The following CAMTA1 variants were observed in gnomAD, a reference collection of about 807,000 sequenced individuals.
The protein encoded by CAMTA1 is calmodulin-binding transcription activator 1.
CAMTA1 carries 27 observed loss-of-function variants against 170.9 expected under a neutral mutation model. The ratio of observed to expected loss-of-function variants is 0.16; its 90% CI spans 0.12 to 0.22. CAMTA1 has a LOEUF of 0.22. Among genes scored for constraint, CAMTA1 ranks in the 10% least tolerant of loss-of-function variants. The pLI is 1.00. For synonymous variants in CAMTA1, 833 were observed against 891.5 expected, an observed-to-expected ratio of 0.93 and a Z score of 1.17; for missense variants, 1,619 against 2,217.2, an observed-to-expected ratio of 0.73 and a Z score of 5.42.
intron 6 of CAMTA1, among the ~76,000 whole-genome samples, chr1:7,533,213 G>A (rs1340594121): frequency 1.3e-5 from 2 of 152,164 alleles, no homozygotes; most frequent in African/African-American, 4.8e-5. Flanking sequence ...TGGGTCCCGA[G>A]CCTCCCTCCA....
At chr1:7,759,348 A>G (rs974373460) in intron 22 of CAMTA1, among the ~76,000 whole-genome samples, 1 of 152,176 alleles carries the variant, frequency 6.6e-6, no homozygotes, top group African/African-American at 2.4e-5. Context: ...TGTGTCTTGA[A>G]ATGTTTAGTC....
At chr1:7,341,652 A>G (rs2083842281) in intron 5 of CAMTA1, among the ~76,000 whole-genome samples, 2 of 152,114 alleles carry the variant, frequency 1.3e-5, no homozygotes, top group South Asian at 2.1e-4. Context: ...CGGGCTTCCC[A>G]TGGCTGCCAC....
chr1:7,538,622 C>T (rs1327967346), intron 6 of CAMTA1, among the ~76,000 whole-genome samples: 2 of 152,222 alleles, frequency 1.3e-5, no homozygotes, highest in East Asian at 3.8e-4. Flanking sequence ...TGCACTCCAG[C>T]CTGGATGACA....
intron 6 of CAMTA1, among the ~76,000 whole-genome samples, chr1:7,542,793 G>A (rs905752377): frequency 2.0e-5 from 3 of 151,766 alleles, no homozygotes; most frequent in African/African-American, 7.3e-5. Context: ...ACCCCTCAAA[G>A]TGCTAGGATT....
At chr1:7,288,408 C>T (rs1054675941) in intron 5 of CAMTA1, among the ~76,000 whole-genome samples, 7 of 152,224 alleles carry the variant, frequency 4.6e-5, no homozygotes, top group South Asian at 4.1e-4. Flanking sequence ...TAATGTCAGA[C>T]GTTCATCTCT....
chr1:7,419,061 C>T (rs920193041), intron 5 of CAMTA1, among the ~76,000 whole-genome samples: 2 of 152,266 alleles, frequency 1.3e-5, no homozygotes, highest in African/African-American at 4.8e-5. Flanking sequence ...AGAGCTCCAC[C>T]TTCCATCCCA....
chr1:7,655,065 C>T (rs62653666), intron 7 of CAMTA1, among the ~76,000 whole-genome samples: 79,473 of 115,364 alleles, frequency 0.69, 28,813 homozygotes, highest in East Asian at 0.93. Flanking sequence ...TACAAACACA[C>T]CCACCTATAC....
intron 22 of CAMTA1, among the ~76,000 whole-genome samples, chr1:7,756,438 A>G (rs1266837042): frequency 6.6e-6 from 1 of 152,190 alleles, no homozygotes; most frequent in African/African-American, 2.4e-5. Context: ...TTAGTTCCTG[A>G]GATTTTAGAA....
At chr1:6,938,621 G>A (rs1029350365) in intron 3 of CAMTA1, among the ~76,000 whole-genome samples, 2 of 152,196 alleles carry the variant, frequency 1.3e-5, no homozygotes, top group Admixed American at 6.5e-5. Flanking sequence ...CTGCTGGGTT[G>A]CCTTGTTTTC....
chr1:7,267,367 G>A (rs1339268934), intron 5 of CAMTA1, among the ~76,000 whole-genome samples: 1 of 152,196 alleles, frequency 6.6e-6, no homozygotes, highest in Non-Finnish European at 1.5e-5. Context: ...GCCATGGAGT[G>A]CCTAGGTTTT....
rs1372290727 is a variant in CAMTA1, at chr1:7,505,039, C to T, written c.510+37138C>T. ...CGGACATGGCACAAGCACACAGATG[C>T]CTCATGGGCACAGCTGGGCAGGAGG... On this transcript the variant is annotated intron_variant, in intron 6 of 22. Transcript: ENST00000303635. 1.3e-5 allele frequency among the ~76,000 whole-genome samples: 2 copies of T among 150,708 alleles called. 1 individual carries two copies. The highest frequency in any genetic ancestry group is 3.0e-5 in the Non-Finnish European group (2 of 67,752).
chr1:7,578,215 A>G (rs2150375005), intron 6 of CAMTA1, among the ~76,000 whole-genome samples: 1 of 152,250 alleles, frequency 6.6e-6, no homozygotes, highest in Admixed American at 6.5e-5. Context: ...AAAAGAATCT[A>G]GGTGGTCACA....
At chr1:7,544,769 A>G (rs2094667256) in intron 6 of CAMTA1, among the ~76,000 whole-genome samples, 1 of 152,188 alleles carries the variant, frequency 6.6e-6, no homozygotes, top group Non-Finnish European at 1.5e-5. Flanking sequence ...CTCATGGTGG[A>G]AGGTGGGAGG....
chr1:7,141,379 A>G (rs536200697), intron 4 of CAMTA1, among the ~76,000 whole-genome samples: 2 of 152,144 alleles, frequency 1.3e-5, no homozygotes, highest in Non-Finnish European at 2.9e-5. Flanking sequence ...GGAGAATGTT[A>G]TCTCTTTAAT....
At chr1:7,745,177 C>G (rs566679337) in intron 17 of CAMTA1, among the ~76,000 whole-genome samples, 155 bp downstream of exon 17, 1 of 152,252 alleles carries the variant, frequency 6.6e-6, no homozygotes, top group East Asian at 1.9e-4. Flanking sequence ...ACTTTCAAGG[C>G]CCAGCTCCTA....
chr1:6,906,475 A>AC (rs1430223248), intron 3 of CAMTA1, among the ~76,000 whole-genome samples: 4 of 152,136 alleles, frequency 2.6e-5, no homozygotes, highest in Non-Finnish European at 5.9e-5. Flanking sequence ...GACTGGCTCT[A>AC]CCCCACTGAC....
chr1:6,785,809 G>T (rs1639066329), intron 1 of CAMTA1, among the ~76,000 whole-genome samples: 2 of 141,920 alleles, frequency 1.4e-5, no homozygotes, highest in Admixed American at 1.4e-4. Context: ...CACCCCCGGG[G>T]GCGGGCTGGG....
At chr1:6,872,784 CAT>C (rs759753076) in intron 3 of CAMTA1, among the ~76,000 whole-genome samples, 3 of 152,180 alleles carry the variant, frequency 2.0e-5, no homozygotes, top group South Asian at 4.1e-4. Flanking sequence ...TTAAAAAAAA[CAT>C]GTGAATTCTC....
intron 5 of CAMTA1, among the ~76,000 whole-genome samples, chr1:7,409,281 C>T (rs1284156122): frequency 6.6e-6 from 1 of 152,158 alleles, no homozygotes; most frequent in Admixed American, 6.5e-5. Flanking sequence ...CCTGATTGTC[C>T]GAATACTTCT....
Sources: allele counts gnomAD v4.1 joint callset (sites outside exome capture counted in the v4.1 genomes callset), GRCh38; gene constraint gnomAD v4.1.1; transcripts MANE v1.5; gene names NCBI Gene and HGNC (gene_info 2026-07-23, HGNC 2026-07-21).